Variants in USP10 observed in about 807,000 individuals in gnomAD.
USP10 encodes the protein ubiquitin specific peptidase 10, also known as ubiquitin carboxyl-terminal hydrolase 10.
In USP10, 22 loss-of-function variants were observed where a neutral mutation model predicts 84.5. That is an observed-to-expected ratio of 0.26 (90% CI 0.19 to 0.37). USP10 has a LOEUF of 0.37. Among genes scored for constraint, USP10 ranks in the 10% least tolerant of loss-of-function variants. The pLI, the probability that USP10 is intolerant of heterozygous loss-of-function variation, is 1.00. For missense variants in USP10, 1,019 were observed against 998.9 expected (o/e 1.02, Z -0.27); for synonymous variants, 454 against 387.6 (o/e 1.17, Z -2.01).
At chr16:84,768,140 A>T (rs1914059963) in intron 10 of USP10, 53 bp from the exon 11 acceptor site, 1 of 1,502,006 alleles carries the variant, frequency 6.7e-7, no homozygotes, top group Non-Finnish European at 9.0e-7. Flanking sequence ...ATCTTAAGGG[A>T]AAGTGGCAAG....
At chr16:84,754,788 G>C (rs1048769887) in intron 4 of USP10, among the ~76,000 whole-genome samples, 4 of 152,186 alleles carry the variant, frequency 2.6e-5, no homozygotes, top group African/African-American at 9.7e-5. Flanking sequence ...ATTGCATAGA[G>C]ATTGAATGGT....
intron 2 of USP10, among the ~76,000 whole-genome samples, chr16:84,733,945 T>C (rs1597328392): frequency 6.6e-6 from 1 of 152,256 alleles, no homozygotes; most frequent in East Asian, 1.9e-4. Context: ...GTATTCTTTA[T>C]GCTAAGAAAT....
chr16:84,708,384 G>C (rs1251644766), intron 1 of USP10, among the ~76,000 whole-genome samples: 1 of 152,210 alleles, frequency 6.6e-6, no homozygotes, highest in Non-Finnish European at 1.5e-5. Flanking sequence ...CGTGGGGGCA[G>C]AGGTTGCTGT....
At position 84,745,530 on chromosome 16, in the gene USP10, A is replaced by T. The variant is rs1911122940; in HGVS notation, c.1049A>T (p.Lys350Met). Reference protein sequence around the residue: ...KSWASLFHDSKPSSSSPVAYV... With the variant: ...KSWASLFHDSMPSSSSPVAYV... ...TGGGCCAGCCTCTTTCATGATTCTA[A>T]GCCCTCTTCCTCCTCGCCGGTGGCC... The change falls in exon 4 of 14, where the codon AAG becomes ATG. Residue 350 changes from lysine (K) to methionine (M), a missense_variant. Coordinates refer to ENST00000219473, the MANE Select transcript of USP10 (RefSeq NM_005153.3). 6.2e-7 allele frequency: 1 copy of T among 1,613,160 alleles called. No homozygotes were observed. The highest frequency in any genetic ancestry group is 1.1e-5 in the South Asian group (1 of 90,964).
At chr16:84,766,939 C>T (rs992548285) in intron 10 of USP10, among the ~76,000 whole-genome samples, 1 of 152,140 alleles carries the variant, frequency 6.6e-6, no homozygotes, top group Non-Finnish European at 1.5e-5. Flanking sequence ...CCCAGGAAGA[C>T]TTCCCCGCCT....
chr16:84,740,884 A>G (rs1910543117), intron 3 of USP10, among the ~76,000 whole-genome samples: 1 of 152,232 alleles, frequency 6.6e-6, no homozygotes, highest in African/African-American at 2.4e-5. Flanking sequence ...CATCACAGGC[A>G]CTAAGCTGAT....
chr16:84,762,206 G>T (rs1044205375), intron 8 of USP10, among the ~76,000 whole-genome samples: 4 of 152,232 alleles, frequency 2.6e-5, no homozygotes, highest in Admixed American at 2.0e-4. Flanking sequence ...TTTTCCACAT[G>T]TAGTTTGAGT....
chr16:84,718,232 A>G (rs1208470631), intron 1 of USP10, among the ~76,000 whole-genome samples: 3 of 152,158 alleles, frequency 2.0e-5, no homozygotes, highest in Admixed American at 6.5e-5. Context: ...TGTTCAGAAG[A>G]CATTTCTGAA....
At chr16:84,725,817 A>G (rs1160661903) in intron 1 of USP10, among the ~76,000 whole-genome samples, 1 of 152,250 alleles carries the variant, frequency 6.6e-6, no homozygotes, top group Non-Finnish European at 1.5e-5. Flanking sequence ...TTCATTTTGT[A>G]GATGAGATTA....
intron 10 of USP10, among the ~76,000 whole-genome samples, 198 bp from the exon 11 acceptor site, chr16:84,767,995 G>T (rs924812169): frequency 1.3e-5 from 2 of 151,990 alleles, no homozygotes; most frequent in African/African-American, 4.8e-5. Context: ...CGAGCATGCT[G>T]CCTTCAAGCA....
At chr16:84,774,571 A>G (rs1011049221) in intron 12 of USP10, among the ~76,000 whole-genome samples, 1 of 151,400 alleles carries the variant, frequency 6.6e-6, no homozygotes, top group Non-Finnish European at 1.5e-5. Flanking sequence ...CCCGGGTTCA[A>G]GTGATTCTCC....
chr16:84,726,704 C>A (rs1908528716), intron 1 of USP10, among the ~76,000 whole-genome samples: 1 of 152,110 alleles, frequency 6.6e-6, no homozygotes, highest in African/African-American at 2.4e-5. Context: ...GGGATGGAGG[C>A]CGGATGGGAT....
intron 1 of USP10, among the ~76,000 whole-genome samples, chr16:84,715,191 A>G (rs916835373): frequency 6.6e-6 from 1 of 152,100 alleles, no homozygotes; most frequent in Non-Finnish European, 1.5e-5. Context: ...AGGCCTCCCA[A>G]AGTGCTTGGA....
At chr16:84,763,320 A>G (rs140179274) in intron 9 of USP10, among the ~76,000 whole-genome samples, 12 of 152,278 alleles carry the variant, frequency 7.9e-5, no homozygotes, top group African/African-American at 2.4e-4. Flanking sequence ...TCAAGCCTAT[A>G]AAAAAGCTGA....
chr16:84,761,581 C>T lies in USP10; in HGVS notation c.1554+1306C>T, dbSNP rs142039994. 3.3e-4 allele frequency among the ~76,000 whole-genome samples: 51 copies of T among 152,320 alleles called. 2 individuals carry two copies. The East Asian group carries it at 8.7e-3, about 26-fold the overall frequency. ...ACTCCAGCACCAGACTGTGACCACA[C>T]GTGAAATGCTGCCAACCAGGGAAGG... On this transcript the variant is annotated intron_variant, in intron 8 of 13. Transcript: ENST00000219473.
At position 84,764,067 on chromosome 16, in the gene USP10, C is replaced by T. The variant is rs780167167; in HGVS notation, c.1655-19C>T. The stretch of plus-strand genomic sequence containing the variant: ...TTCTTGTCGTAAATAGTAGTGTAAG[C>T]AGATGCTCTCCTTTTCAGAACTTAC... On this transcript the variant is annotated intron_variant, in intron 9 of 13. Coordinates refer to ENST00000219473, the MANE Select transcript of USP10 (RefSeq NM_005153.3). 5.6e-6 allele frequency: 9 copies of T among 1,605,858 alleles called. No homozygotes were observed. Among genetic ancestry groups the T allele is most frequent in the Non-Finnish European group, 6.8e-6 (8 of 1,176,650 alleles).
chr16:84,700,313 C>T (rs1213069187), intron 1 of USP10, among the ~76,000 whole-genome samples: 1 of 152,006 alleles, frequency 6.6e-6, no homozygotes, highest in African/African-American at 2.4e-5. Context: ...CACCCGGACC[C>T]CCTAGTCCCG....
intron 7 of USP10, 30 bp from the exon 8 acceptor site, chr16:84,760,142 A>G: frequency 1.3e-6 from 2 of 1,579,998 alleles, no homozygotes; most frequent in Non-Finnish European, 1.7e-6. Flanking sequence ...CATTGTAGTT[A>G]GGAAAACCTG....
At chr16:84,763,811 G>A (rs1034432321) in intron 9 of USP10, among the ~76,000 whole-genome samples, 1 of 152,056 alleles carries the variant, frequency 6.6e-6, no homozygotes, top group Non-Finnish European at 1.5e-5. Context: ...TGGTTGCCGT[G>A]GATCCAGTGA....
Sources: allele counts gnomAD v4.1 joint callset (sites outside exome capture counted in the v4.1 genomes callset), GRCh38; gene constraint gnomAD v4.1.1; transcripts MANE v1.5; gene names NCBI Gene and HGNC (gene_info 2026-07-23, HGNC 2026-07-21).